NCOA2: variants seen among roughly 807,000 people sequenced by gnomAD.
NCOA2 encodes the protein class E basic helix-loop-helix protein 75.
A neutral mutation model predicts 145.1 loss-of-function variants in NCOA2; 21 were observed. That is an observed-to-expected ratio of 0.14 (90% CI 0.10 to 0.21). NCOA2 has a LOEUF of 0.21. NCOA2 is among the 10% of genes least tolerant of loss of function. NCOA2 has a pLI of 1.00. For missense variants in NCOA2, 1,472 were observed against 1,837.6 expected, an observed-to-expected ratio of 0.80 and a Z score of 3.64; for synonymous variants, 619 against 637.5, an observed-to-expected ratio of 0.97 and a Z score of 0.44.
chr8:70,303,982 T>G (rs1827689126), intron 1 of NCOA2, among the ~76,000 whole-genome samples: 1 of 152,098 alleles, frequency 6.6e-6, no homozygotes, highest in Non-Finnish European at 1.5e-5. Flanking sequence ...TGTGGATAAT[T>G]TTTAGATTAT....
chr8:70,273,320 C>T, intron 2 of NCOA2: 1 of 298,320 alleles, frequency 3.4e-6, no homozygotes, highest in Non-Finnish European at 6.4e-6. Flanking sequence ...TCCCCCGAGA[C>T]CCCCTGAGCA....
chr8:70,386,607 T>C (rs1474134154), intron 1 of NCOA2, among the ~76,000 whole-genome samples: 1 of 152,224 alleles, frequency 6.6e-6, no homozygotes, highest in Non-Finnish European at 1.5e-5. Flanking sequence ...ATACTTTTTC[T>C]TTATTAAAAA....
chr8:70,444,485 A>G, the NCOA2 span, among the ~76,000 whole-genome samples: 3 of 152,344 alleles, frequency 2.0e-5, no homozygotes, highest in Admixed American at 6.5e-5. Flanking sequence ...GAGTATATAC[A>G]CACACCCCTT....
Position 70,231,095 on chromosome 8 carries a change from C to A in NCOA2, c.-19-14331G>T, listed in dbSNP as rs567404601. Among the ~76,000 whole-genome samples the A allele has an allele frequency of 2.0e-5, 3 of 152,296 alleles. No individual in the cohort carries two copies. In the East Asian group the frequency reaches 5.8e-4, roughly 29 times the overall value. On this transcript the variant is annotated intron_variant, in intron 2 of 22. Transcript: ENST00000452400. ...AGTCTTAGAAATGTAATTATTAGAT[C>A]AAAGGGTCTGACCATATTTAATCCT...
chr8:70,213,837 G>C, intron 4 of NCOA2, 66 bp downstream of exon 4: 1 of 1,324,876 alleles, frequency 7.5e-7, no homozygotes, highest in Non-Finnish European at 1.0e-6. Flanking sequence ...ACTCTGAAGG[G>C]ACTTCTCACA....
At chr8:70,289,120 T>C (rs1826473040) in intron 2 of NCOA2, among the ~76,000 whole-genome samples, 1 of 152,216 alleles carries the variant, frequency 6.6e-6, no homozygotes, top group Non-Finnish European at 1.5e-5. Flanking sequence ...AATACATGAG[T>C]TCAAAACTAT....
intron 4 of NCOA2, among the ~76,000 whole-genome samples, chr8:70,199,337 G>A (rs1817656597): frequency 1.3e-5 from 2 of 151,486 alleles, no homozygotes; most frequent in South Asian, 4.2e-4. Context: ...TGTAGTCCCA[G>A]CTACTCAGGA....
At chr8:70,303,888 C>T (rs1827683439) in intron 1 of NCOA2, among the ~76,000 whole-genome samples, 1 of 152,014 alleles carries the variant, frequency 6.6e-6, no homozygotes, top group African/African-American at 2.4e-5. Flanking sequence ...GAGCATGCCA[C>T]CCTAACAACC....
At chr8:70,448,194 G>A in the NCOA2 span, among the ~76,000 whole-genome samples, 1 of 152,018 alleles carries the variant, frequency 6.6e-6, no homozygotes, top group Admixed American at 6.6e-5. Flanking sequence ...AAGAAAATTA[G>A]AGGACTGAGG....
At chr8:70,447,682 CTTTTTT>C in the NCOA2 span, among the ~76,000 whole-genome samples, 9 of 113,092 alleles carry the variant, frequency 8.0e-5, no homozygotes, top group Non-Finnish European at 1.0e-4. Context: ...TCTTTGTTTT[CTTTTTT>C]TTTTTTTTTT....
rs370363188 is a variant in NCOA2 at position 70,233,208 on chromosome 8, A to G, written c.-19-16444T>C. ...ACCACTACACTCCAGCCTGGGTGACAGAGTGAGACTCCGTTTAAAAAAAAA... is the reference window on the plus strand; with the variant it reads ...ACCACTACACTCCAGCCTGGGTGACGGAGTGAGACTCCGTTTAAAAAAAAA... On this transcript the variant is annotated intron_variant, in intron 2 of 22. Coordinates refer to ENST00000452400, the MANE Select transcript of NCOA2 (RefSeq NM_006540.4). Among the ~76,000 whole-genome samples the G allele has an allele frequency of 1.8e-4, 27 of 152,196 alleles. No homozygotes were observed. The East Asian group carries it at 4.6e-3, about 26-fold the overall frequency.
intron 1 of NCOA2, among the ~76,000 whole-genome samples, chr8:70,378,312 A>G (rs1325060913): frequency 6.6e-6 from 1 of 152,110 alleles, no homozygotes; most frequent in African/African-American, 2.4e-5. Context: ...AGAAAATATT[A>G]TTTTAAATCT....
intron 2 of NCOA2, among the ~76,000 whole-genome samples, chr8:70,230,234 A>G (rs1305032383): frequency 6.6e-6 from 1 of 152,194 alleles, no homozygotes; most frequent in Non-Finnish European, 1.5e-5. Context: ...AAGGCCACAT[A>G]TTGTATGGCT....
chr8:70,298,466 G>T (rs557051741), intron 1 of NCOA2, among the ~76,000 whole-genome samples: 1 of 152,256 alleles, frequency 6.6e-6, no homozygotes, highest in Non-Finnish European at 1.5e-5. Flanking sequence ...AAAATGAATG[G>T]ATTCCACTCA....
At chr8:70,194,310 C>T (rs1309447446) in intron 4 of NCOA2, among the ~76,000 whole-genome samples, 1 of 152,160 alleles carries the variant, frequency 6.6e-6, no homozygotes, top group Non-Finnish European at 1.5e-5. Context: ...TTGTATATAG[C>T]TAAGCACTCT....
chr8:70,276,890 A>G (rs1452519500), intron 2 of NCOA2, among the ~76,000 whole-genome samples: 3 of 152,254 alleles, frequency 2.0e-5, no homozygotes, highest in East Asian at 1.9e-4. Flanking sequence ...AAATTTTCTG[A>G]TATTTTCATT....
chr8:70,374,541 A>T (rs1811498968), intron 1 of NCOA2, among the ~76,000 whole-genome samples: 1 of 151,988 alleles, frequency 6.6e-6, no homozygotes, highest in South Asian at 2.1e-4. Context: ...TGTGGCTCAC[A>T]CCTGTTATCC....
At chr8:70,226,105 A>G (rs1249510625) in intron 2 of NCOA2, among the ~76,000 whole-genome samples, 1 of 152,186 alleles carries the variant, frequency 6.6e-6, no homozygotes, top group Admixed American at 6.5e-5. Flanking sequence ...AAGAAAATTA[A>G]AAAATTAAAA....
chr8:70,293,188 A>G (rs148018754), intron 2 of NCOA2, among the ~76,000 whole-genome samples: 7 of 152,348 alleles, frequency 4.6e-5, no homozygotes, highest in Admixed American at 4.6e-4. Context: ...ATTTTAGTTT[A>G]GATTAATACT....
Sources: allele counts gnomAD v4.1 joint callset (sites outside exome capture counted in the v4.1 genomes callset), GRCh38; gene constraint gnomAD v4.1.1; transcripts MANE v1.5; gene names NCBI Gene and HGNC (gene_info 2026-07-23, HGNC 2026-07-21).